The following SPIDR variants were observed in gnomAD, a reference collection of about 807,000 sequenced individuals.
SPIDR encodes the protein DNA repair-scaffolding protein.
SPIDR carries 93 observed loss-of-function variants against 104.6 expected under a neutral mutation model. That is an observed-to-expected ratio of 0.89 (90% CI 0.75 to 1.06). SPIDR has a LOEUF of 1.06. SPIDR is among the 50% of genes least tolerant of loss of function. The pLI, the probability that SPIDR is intolerant of heterozygous loss-of-function variation, is 0.00. For synonymous variants in SPIDR, 431 were observed against 416.9 expected (o/e 1.03, Z -0.41); for missense variants, 1,154 against 1,111.2 (o/e 1.04, Z -0.55).
intron 8 of SPIDR, among the ~76,000 whole-genome samples, chr8:47,478,354 G>C (rs782543207): frequency 6.6e-6 from 1 of 152,144 alleles, no homozygotes; most frequent in Admixed American, 6.5e-5. Flanking sequence ...ATGAGGATTG[G>C]GGTTGTGCGT....
At chr8:47,420,765 T>A (rs1588482503) in intron 7 of SPIDR, among the ~76,000 whole-genome samples, 1 of 152,196 alleles carries the variant, frequency 6.6e-6, no homozygotes, top group East Asian at 1.9e-4. Context: ...GTTATTCCTT[T>A]TCATGTTTAG....
At chr8:47,667,778 CT>C (rs1378511035) in intron 10 of SPIDR, 1 of 152,080 alleles carries the variant, frequency 6.6e-6, no homozygotes, top group Non-Finnish European at 1.5e-5. Context: ...TATGTGCTCA[CT>C]TTGGCAGCAC....
At chr8:47,479,356 C>CAAA (rs1186481801) in intron 8 of SPIDR, among the ~76,000 whole-genome samples, 1 of 92,098 alleles carries the variant, frequency 1.1e-5, no homozygotes, top group Non-Finnish European at 2.3e-5. Context: ...GAGACTCTCT[C>CAAA]AAAAAAAAAA....
intron 11 of SPIDR, among the ~76,000 whole-genome samples, chr8:47,685,889 G>A (rs965266087): frequency 6.6e-6 from 1 of 151,544 alleles, no homozygotes; most frequent in Non-Finnish European, 1.5e-5. Context: ...AGGCACGATG[G>A]CTCATACCTG....
intron 8 of SPIDR, among the ~76,000 whole-genome samples, chr8:47,480,612 C>A (rs1340281852): frequency 6.6e-6 from 1 of 152,192 alleles, no homozygotes; most frequent in African/African-American, 2.4e-5. Context: ...TGAAAGTGTA[C>A]AATCTGGGAT....
intron 5 of SPIDR, among the ~76,000 whole-genome samples, chr8:47,389,157 T>C (rs1014390426): frequency 6.6e-6 from 1 of 152,216 alleles, no homozygotes; most frequent in African/African-American, 2.4e-5. Flanking sequence ...CCATTGCAGA[T>C]GTTTTAATGC....
At chr8:47,561,800 C>T (rs2057113197) in intron 8 of SPIDR, among the ~76,000 whole-genome samples, 1 of 152,158 alleles carries the variant, frequency 6.6e-6, no homozygotes, top group Non-Finnish European at 1.5e-5. Context: ...CGACATATAG[C>T]CTTGTATAAC....
intron 8 of SPIDR, among the ~76,000 whole-genome samples, chr8:47,575,845 A>G (rs552789871): frequency 6.7e-6 from 1 of 150,240 alleles, no homozygotes; most frequent in Admixed American, 6.6e-5. Flanking sequence ...CTATAATCCC[A>G]GCTACTTAGG....
rs1052152335 is a variant in SPIDR, at chr8:47,523,600, T to C, written c.1098-72211T>C. 4.6e-5 allele frequency among the ~76,000 whole-genome samples: 7 copies of C among 152,258 alleles called. No individual in the cohort carries two copies. The East Asian group carries it at 9.7e-4, about 21-fold the overall frequency. ...AGCTCTGCTTTATCTTCAGTGTGAG[T>C]CTGTCTCCCTGCCGGCTGGTGATGG... is the stretch of plus-strand genomic sequence containing the variant. On this transcript the variant is annotated intron_variant, in intron 8 of 19. Coordinates refer to ENST00000297423, the MANE Select transcript of SPIDR (RefSeq NM_001080394.4).
chr8:47,440,026 A>C (rs1338714840), intron 7 of SPIDR, among the ~76,000 whole-genome samples: 1 of 152,222 alleles, frequency 6.6e-6, no homozygotes, highest in Non-Finnish European at 1.5e-5. Flanking sequence ...ATGCTCCTTA[A>C]AATGACGGGT....
At chr8:47,626,897 C>A (rs1429874679) in intron 10 of SPIDR, among the ~76,000 whole-genome samples, 2 of 152,018 alleles carry the variant, frequency 1.3e-5, no homozygotes, top group Non-Finnish European at 2.9e-5. Flanking sequence ...GGTATATACC[C>A]AAAGGATTAT....
intron 6 of SPIDR, among the ~76,000 whole-genome samples, chr8:47,405,272 G>A (rs1220240177): frequency 5.3e-5 from 8 of 151,324 alleles, no homozygotes; most frequent in Non-Finnish European, 8.8e-5. Flanking sequence ...GTTAACGGGT[G>A]CAGCACACCA....
chr8:47,299,148 TCTC>T (rs1262983066), intron 5 of SPIDR, among the ~76,000 whole-genome samples: 1 of 152,210 alleles, frequency 6.6e-6, no homozygotes, highest in Non-Finnish European at 1.5e-5. Context: ...GGTTTGTAGT[TCTC>T]CTTGAAGAGG....
intron 8 of SPIDR, among the ~76,000 whole-genome samples, chr8:47,505,983 G>A (rs935287180): frequency 3.9e-5 from 6 of 152,116 alleles, no homozygotes; most frequent in Admixed American, 2.6e-4. Flanking sequence ...TGTATCTTCT[G>A]ACTCATCATT....
chr8:47,266,729 T>C (rs2034140586), intron 1 of SPIDR, among the ~76,000 whole-genome samples: 1 of 152,214 alleles, frequency 6.6e-6, no homozygotes, highest in African/African-American at 2.4e-5. Flanking sequence ...TGCAGTCCCA[T>C]TGGCAATGTT....
At chr8:47,536,394 A>G (rs1202575628) in intron 8 of SPIDR, among the ~76,000 whole-genome samples, 1 of 152,242 alleles carries the variant, frequency 6.6e-6, no homozygotes, top group Non-Finnish European at 1.5e-5. Flanking sequence ...AATTATGGTA[A>G]GTAATCAAGG....
chr8:47,654,211 G>A lies in SPIDR; in HGVS notation c.1545-19590G>A, dbSNP rs1290441534. ...GCACTGTAGCAGCAACCTGCAGGAG[G>A]GGTTAGAAGAAAGGAAAGAACAGGG... On this transcript the variant is annotated intron_variant, in intron 10 of 19. Coordinates refer to ENST00000297423, the MANE Select transcript of SPIDR (RefSeq NM_001080394.4). 3 of 1,274,480 alleles carry A rather than the reference G, an allele frequency of 2.4e-6. No individual in the cohort carries two copies. In the African/African-American group the frequency reaches 4.6e-5, roughly 19 times the overall value. The allele number at this position is 1,274,480 out of a possible 1,614,324, so 78.9% of individuals were successfully genotyped here. A position where few individuals can be genotyped will look rare whatever the true frequency, so the allele number is the denominator to read the frequency against.
intron 11 of SPIDR, among the ~76,000 whole-genome samples, chr8:47,696,341 C>A (rs965562937): frequency 6.6e-6 from 1 of 151,912 alleles, no homozygotes; most frequent in African/African-American, 2.4e-5. Flanking sequence ...GGTTTTTTTT[C>A]ATTCTAAGAA....
chr8:47,369,200 A>G (rs145814419), intron 5 of SPIDR, among the ~76,000 whole-genome samples: 193 of 152,298 alleles, frequency 1.3e-3, no homozygotes, highest in Middle Eastern at 6.8e-3. Flanking sequence ...TGTCCCTTTC[A>G]GTTGGTATCA....
Sources: allele counts gnomAD v4.1 joint callset (sites outside exome capture counted in the v4.1 genomes callset), GRCh38; gene constraint gnomAD v4.1.1; transcripts MANE v1.5; gene names NCBI Gene and HGNC (gene_info 2026-07-23, HGNC 2026-07-21).